Variants in RUNX1T1 observed in about 807,000 individuals in gnomAD.
RUNX1T1 encodes the protein protein CBFA2T1.
In RUNX1T1, 4 loss-of-function variants were observed where a neutral mutation model predicts 62.8. That is an observed-to-expected ratio of 0.06 (90% CI 0.03 to 0.15). The LOEUF is 0.15. Among genes scored for constraint, RUNX1T1 ranks in the 10% least tolerant of loss-of-function variants. The probability of loss-of-function intolerance (pLI) is 1.00; values close to 1 mark genes in which losing one functional copy is unlikely to be tolerated. For synonymous variants in RUNX1T1, 291 were observed against 286.0 expected (o/e 1.02, Z -0.18); for missense variants, 508 against 754.3 (o/e 0.67, Z 3.82).
upstream of RUNX1T1, among the ~76,000 whole-genome samples, chr8:92,066,787 G>GT (rs1345277970): frequency 6.6e-6 from 1 of 152,182 alleles, no homozygotes; most frequent in Non-Finnish European, 1.5e-5. Context: ...AGGCTACAAT[G>GT]TAAGATACAG....
intron 2 of RUNX1T1, among the ~76,000 whole-genome samples, chr8:92,015,984 A>G (rs961892042): frequency 6.6e-6 from 1 of 152,166 alleles, no homozygotes; most frequent in Non-Finnish European, 1.5e-5. Flanking sequence ...ACACATTTGG[A>G]AAGGTCTTTT....
At chr8:92,039,144 G>C (rs965935560) in intron 1 of RUNX1T1, among the ~76,000 whole-genome samples, 1 of 137,102 alleles carries the variant, frequency 7.3e-6, no homozygotes, top group African/African-American at 2.7e-5. Context: ...TTTTGTTGTT[G>C]TTTTTTTTTT....
chr8:91,971,502 T>G (rs1053098333), intron 9 of RUNX1T1, among the ~76,000 whole-genome samples: 2 of 152,226 alleles, frequency 1.3e-5, no homozygotes, highest in African/African-American at 4.8e-5. Context: ...GTAACTCAGA[T>G]AGCAATTAAG....
At chr8:92,010,153 C>A (rs79495549) in intron 4 of RUNX1T1, 1 of 152,172 alleles carries the variant, frequency 6.6e-6, no homozygotes, top group Non-Finnish European at 1.5e-5. Context: ...GGTAAATCCT[C>A]CTTGGCAAAT....
intron 2 of RUNX1T1, among the ~76,000 whole-genome samples, chr8:92,069,836 A>G (rs192062761): frequency 5.5e-4 from 84 of 152,322 alleles, no homozygotes; most frequent in Non-Finnish European, 5.1e-4. Flanking sequence ...TTCATTTATT[A>G]AAATTCTCCT....
chr8:92,038,627 T>C (rs891368240), intron 1 of RUNX1T1, among the ~76,000 whole-genome samples: 2 of 152,030 alleles, frequency 1.3e-5, no homozygotes, highest in Non-Finnish European at 2.9e-5. Context: ...AAGAAAGTCA[T>C]CCAGTAAAAA....
intron 9 of RUNX1T1, among the ~76,000 whole-genome samples, chr8:91,974,204 T>C (rs1476947053): frequency 6.6e-6 from 1 of 152,074 alleles, no homozygotes; most frequent in African/African-American, 2.4e-5. Context: ...AATAAACAAC[T>C]GATTAAGTGG....
chr8:91,960,579 G>T, intron 10 of RUNX1T1, 62 bp from the exon 12 acceptor site: 1 of 1,535,544 alleles, frequency 6.5e-7, no homozygotes, highest in South Asian at 1.1e-5. Flanking sequence ...ACAATAGTCT[G>T]ACAAATATGT....
intron 1 of RUNX1T1, among the ~76,000 whole-genome samples, chr8:92,039,117 CA>C (rs1184891843): frequency 5.9e-5 from 9 of 151,506 alleles, no homozygotes; most frequent in Non-Finnish European, 1.3e-4. Context: ...TCCAGGTGGC[CA>C]AATCCAAAAG....
chr8:91,965,479 C>T (rs1420830644), intron 10 of RUNX1T1, among the ~76,000 whole-genome samples: 1 of 152,072 alleles, frequency 6.6e-6, no homozygotes, highest in Non-Finnish European at 1.5e-5. Flanking sequence ...TCATGCTGCC[C>T]CTTGTGAGAT....
intron 1 of RUNX1T1, among the ~76,000 whole-genome samples, chr8:92,022,984 C>T (rs969641683): frequency 1.3e-5 from 2 of 152,152 alleles, no homozygotes; most frequent in Non-Finnish European, 2.9e-5. Flanking sequence ...TTCCTCTTCC[C>T]ACAATCTTTG....
chr8:92,045,388 T>C (rs1241946330), intron 1 of RUNX1T1, among the ~76,000 whole-genome samples: 2 of 152,192 alleles, frequency 1.3e-5, no homozygotes, highest in Non-Finnish European at 2.9e-5. Flanking sequence ...TTCCCAACTG[T>C]AGGCAAGATG....
At chr8:92,029,950 C>T (rs1022394747) in intron 1 of RUNX1T1, among the ~76,000 whole-genome samples, 5 of 152,112 alleles carry the variant, frequency 3.3e-5, no homozygotes, top group South Asian at 2.1e-4. Context: ...TCTAATGATC[C>T]GATCAAGTCA....
At chr8:92,094,925 G>A (rs993774803) in intron 1 of RUNX1T1, 11 of 819,496 alleles carry the variant, frequency 1.3e-5, no homozygotes, top group Middle Eastern at 2.4e-4. Flanking sequence ...TCAGCGTCCA[G>A]TCAATAAATA....
chr8:92,017,129 G>A, intron 2 of RUNX1T1, 97 bp downstream of exon 3: 1 of 913,818 alleles, frequency 1.1e-6, no homozygotes, highest in Non-Finnish European at 1.7e-6. Flanking sequence ...ATAATACATT[G>A]ATGCTGAATT....
chr8:92,031,585 T>C (rs1826236860), intron 1 of RUNX1T1, among the ~76,000 whole-genome samples: 1 of 152,122 alleles, frequency 6.6e-6, no homozygotes, highest in Admixed American at 6.5e-5. Flanking sequence ...GATCCTCCTT[T>C]AGCCTCTGGA....
chr8:91,980,178 T>C (rs1232031879), intron 8 of RUNX1T1, among the ~76,000 whole-genome samples: 1 of 152,136 alleles, frequency 6.6e-6, no homozygotes, highest in Non-Finnish European at 1.5e-5. Context: ...CCTCTTAATT[T>C]TAAAAGATGG....
exon 11 of RUNX1T1, chr8:91,959,276 G>A (rs1019990289): frequency 4.5e-6 from 1 of 219,952 alleles, no homozygotes. Flanking sequence ...AATATAAAAT[G>A]AATGAGCTGG....
exon 4 of RUNX1T1, chr8:92,011,050 T>C (rs1563749382): frequency 6.2e-7 from 1 of 1,611,272 alleles, no homozygotes; most frequent in Non-Finnish European, 8.5e-7. Context: ...TAGTAGCTTC[T>C]TGCAGTTTGG....
Sources: gnomAD v4.1 joint callset for allele counts (sites outside exome capture counted in the v4.1 genomes callset) on GRCh38, gnomAD v4.1.1 for gene constraint, MANE v1.5 for transcripts, NCBI Gene and HGNC (gene_info 2026-07-23, HGNC 2026-07-21) for gene names.